Variants in RC3H2 observed in about 807,000 individuals in gnomAD.
RC3H2 encodes the protein roquin-2.
In RC3H2, 31 loss-of-function variants were observed where a neutral mutation model predicts 133.3. That is an observed-to-expected ratio of 0.23 (90% CI 0.17 to 0.31). The LOEUF (loss-of-function observed/expected upper bound fraction) is 0.31, where lower values mean the gene tolerates loss of function less well. Ranked by LOEUF, RC3H2 falls within the 10% of genes least tolerant of loss-of-function variation. RC3H2 has a pLI of 1.00. For missense variants in RC3H2, 1,175 were observed against 1,437.2 expected, an observed-to-expected ratio of 0.82 and a Z score of 2.95; for synonymous variants, 517 against 502.2, an observed-to-expected ratio of 1.03 and a Z score of -0.40.
In RC3H2 at chr9:122,879,927, A is replaced by G. The variant is rs538888056; in HGVS notation, c.1094-54T>C. 59 of 1,611,472 alleles carry G rather than the reference A, an allele frequency of 3.7e-5. 1 individual carries two copies. The South Asian group carries it at 6.4e-4, about 17-fold the overall frequency. ...TTGGGGGGGAAGAATGTTAGCAGTA[A>G]TTCTCTTGTGTTATTCACCTCAAAA... On this transcript the variant is annotated intron_variant, in intron 7 of 20. Transcript: ENST00000357244.
chr9:122,852,053 A>G (rs897595295), intron 18 of RC3H2, among the ~76,000 whole-genome samples: 2 of 147,064 alleles, frequency 1.4e-5, no homozygotes, highest in Admixed American at 6.7e-5. Flanking sequence ...GGAAGTGAGG[A>G]GCGCCTCTTC....
intron 9 of RC3H2, among the ~76,000 whole-genome samples, chr9:122,871,508 G>GC (rs1346458503): frequency 3.2e-5 from 4 of 125,098 alleles, no homozygotes; most frequent in Admixed American, 1.0e-4. Context: ...CGTGTTAGTG[G>GC]GGGGGGGGGT....
intron 4 of RC3H2, among the ~76,000 whole-genome samples, chr9:122,889,907 T>C (rs1832087176): frequency 6.6e-6 from 1 of 152,122 alleles, no homozygotes; most frequent in Non-Finnish European, 1.5e-5. Context: ...TTTGGGAGGC[T>C]GGGGCAGGCA....
chr9:122,880,480 G>T, intron 6 of RC3H2, 114 bp downstream of exon 6: 1 of 845,748 alleles, frequency 1.2e-6, no homozygotes, highest in Non-Finnish European at 1.8e-6. Context: ...ATAAGAGTCT[G>T]ACATTTAAAA....
At chr9:122,863,570 T>C (rs1367666458) in intron 10 of RC3H2, among the ~76,000 whole-genome samples, 2 of 152,238 alleles carry the variant, frequency 1.3e-5, no homozygotes, top group African/African-American at 4.8e-5. Context: ...CTGTTTCATA[T>C]GTGTAAATGC....
Position 122,883,356 on chromosome 9 carries a change from G to C in RC3H2, c.607C>G (p.Leu203Val). Residue 203 changes from leucine (L) to valine (V), a missense_variant, in exon 5 of 21, where the codon CTG (leucine) becomes GTG (valine). Physicochemically the swap from Leu to Val is conservative, Grantham distance 32. This residue lies in a region of RC3H2 where 121 missense variants were observed against 243.5 expected (regional missense o/e 0.50). Transcript: ENST00000357244. Reference protein sequence around the residue: ...GPAMQEEALKLVLLALEDGSA... With the variant: ...GPAMQEEALKVVLLALEDGSA... ...CCATCTTCTAATGCCAGTAACACCAGCTTCAAGGCCTCTTCTTGCATAGCT... is the reference window on the plus strand; with the variant it reads ...CCATCTTCTAATGCCAGTAACACCACCTTCAAGGCCTCTTCTTGCATAGCT... 6.2e-7 allele frequency: 1 copy of C among 1,607,276 alleles called. No individual in the cohort carries two copies. Among genetic ancestry groups the C allele is most frequent in the Non-Finnish European group, 8.5e-7 (1 of 1,177,884 alleles).
chr9:122,877,443 C>T (rs1564303507), intron 9 of RC3H2, 28 bp downstream of exon 9: 1 of 1,550,456 alleles, frequency 6.4e-7, no homozygotes, highest in Non-Finnish European at 8.9e-7. Flanking sequence ...AAATTAAACC[C>T]ATATGAAACA....
chr9:122,857,775 A>T lies in RC3H2; in HGVS notation c.2454+148T>A, dbSNP rs1830300812. On this transcript the variant is annotated intron_variant, in intron 13 of 20. Transcript: ENST00000357244. ...GTCTCATAACACCTAGCCGTAGTGC[A>T]TTTATATTCAGTGTTTATTGAACTA... The T allele has an allele frequency of 4.7e-6, 3 of 633,174 alleles. No individual in the cohort carries two copies. In the South Asian group the frequency reaches 6.5e-5, roughly 14 times the overall value. The allele number at this position is 633,174 out of a possible 1,614,324, so 39.2% of individuals were successfully genotyped here.
chr9:122,885,867 TTTTTGTTTTG>T (rs201724448), intron 4 of RC3H2, among the ~76,000 whole-genome samples: 3 of 151,998 alleles, frequency 2.0e-5, no homozygotes. Flanking sequence ...TTTAACGTGT[TTTTTGTTTTG>T]TTTTGTTTTG....
chr9:122,892,266 C>T (rs987618368), intron 3 of RC3H2, among the ~76,000 whole-genome samples: 1 of 152,130 alleles, frequency 6.6e-6, no homozygotes, highest in Non-Finnish European at 1.5e-5. Flanking sequence ...CGTGTGTCAC[C>T]ATGCCCAGCT....
rs984960701 is a variant in RC3H2, at chr9:122,884,852, C to CA, written c.584-1474dup. On this transcript the variant is annotated intron_variant, in intron 4 of 20. Coordinates refer to ENST00000357244, the MANE Select transcript of RC3H2 (RefSeq NM_001100588.3). ...TGGCGACATAGCGAAAGTCCGTCTC[C>CA]AAAAAAAAAAAAAAAGAAATATTCT... 5.7e-3 allele frequency among the ~76,000 whole-genome samples: 535 copies of CA among 94,350 alleles called. 1 individual carries two copies. The highest frequency in any genetic ancestry group is 7.9e-3 in the African/African-American group (202 of 25,552). 61.9% of individuals were successfully genotyped at this position (94,350 alleles called of 152,430 possible). A position where few individuals can be genotyped will look rare whatever the true frequency, so the allele number is the denominator to read the frequency against.
intron 6 of RC3H2, 60 bp from the exon 7 acceptor site, chr9:122,880,185 A>G (rs1431739447): frequency 6.6e-7 from 1 of 1,525,358 alleles, no homozygotes; most frequent in Non-Finnish European, 9.1e-7. Flanking sequence ...TTATACTCAA[A>G]TACTTTCAAT....
chr9:122,879,126 T>C (rs542055297), intron 8 of RC3H2, among the ~76,000 whole-genome samples: 1,800 of 149,062 alleles, frequency 0.012, 24 homozygotes, highest in Non-Finnish European at 0.017. Flanking sequence ...CCAGGCACGA[T>C]GGCTCACGCC....
intron 11 of RC3H2, 46 bp downstream of exon 11, chr9:122,859,871 G>A (rs756856112): frequency 2.1e-6 from 3 of 1,415,142 alleles, no homozygotes; most frequent in East Asian, 2.3e-5. Context: ...TTTATCTAAA[G>A]GAAACAATGT....
intron 9 of RC3H2, chr9:122,874,407 A>G (rs1831244521): frequency 6.6e-6 from 1 of 152,202 alleles, no homozygotes; most frequent in Admixed American, 6.5e-5. Context: ...CCACTGAAGC[A>G]GTAAAACCAA....
chr9:122,899,818 A>G (rs1168837179), intron 1 of RC3H2, among the ~76,000 whole-genome samples: 1 of 152,252 alleles, frequency 6.6e-6, no homozygotes, highest in Non-Finnish European at 1.5e-5. Flanking sequence ...TTATGAAAAC[A>G]GGACACTGCG....
chr9:122,854,499 G>A (rs371955901), intron 16 of RC3H2, 32 bp downstream of exon 16: 12 of 1,515,422 alleles, frequency 7.9e-6, no homozygotes, highest in Non-Finnish European at 1.1e-5. Flanking sequence ...GTCTGAGAAT[G>A]GAGAATCATA....
At position 122,854,097 on chromosome 9, in the gene RC3H2, A is replaced by AG. The variant is rs1339719914; in HGVS notation, c.2983-12dup. On this transcript the variant is annotated splice_polypyrimidine_tract_variant and intron_variant, in intron 17 of 20. Coordinates refer to ENST00000357244, the MANE Select transcript of RC3H2 (RefSeq NM_001100588.3). ...TGAGTTGCTCTTGGCCTATATGAGG[A>AG]GGGAAAAAAAGAAAAGTTAGCTTCC... 6 of 1,612,514 alleles carry AG rather than the reference A, an allele frequency of 3.7e-6. No homozygotes were observed. Among genetic ancestry groups the AG allele is most frequent in the Admixed American group, 1.7e-5 (1 of 59,744 alleles).
At chr9:122,862,212 AAT>A (rs766630552) in intron 10 of RC3H2, among the ~76,000 whole-genome samples, 3 of 152,092 alleles carry the variant, frequency 2.0e-5, no homozygotes, top group Non-Finnish European at 2.9e-5. Flanking sequence ...AGAAAAAGCT[AAT>A]CTTCAAGGCA....
Sources: gnomAD v4.1 joint callset for allele counts (sites outside exome capture counted in the v4.1 genomes callset) on GRCh38, gnomAD v4.1.1 for gene constraint, gnomAD v4.1.1 regional missense constraint, MANE v1.5 for transcripts, NCBI Gene and HGNC (gene_info 2026-07-23, HGNC 2026-07-21) for gene names.